The following KIFAP3 variants were observed in gnomAD, a reference collection of about 807,000 sequenced individuals.
KIFAP3 encodes the protein kinesin-associated protein 3.
A neutral mutation model predicts 106.5 loss-of-function variants in KIFAP3; 68 were observed. That is an observed-to-expected ratio of 0.64 (90% CI 0.53 to 0.78). KIFAP3 has a LOEUF of 0.78. KIFAP3 is among the 30% of genes least tolerant of loss of function. The probability of loss-of-function intolerance (pLI) is 0.00; values close to 1 mark genes in which losing one functional copy is unlikely to be tolerated. For missense variants in KIFAP3, 780 were observed against 941.8 expected (o/e 0.83, Z 2.25); for synonymous variants, 320 against 311.5 (o/e 1.03, Z -0.29).
chr1:169,948,341 T>C (rs1460630849), intron 19 of KIFAP3, among the ~76,000 whole-genome samples: 4 of 151,848 alleles, frequency 2.6e-5, no homozygotes, highest in Admixed American at 1.3e-4. Context: ...GTCAGTTTTT[T>C]TGAAAGGCTT....
intron 10 of KIFAP3, among the ~76,000 whole-genome samples, chr1:170,012,596 T>G (rs1188086945): frequency 6.6e-6 from 1 of 152,126 alleles, no homozygotes; most frequent in Non-Finnish European, 1.5e-5. Flanking sequence ...CCCCCAAAAT[T>G]CTTATGTTGA....
chr1:169,931,724 A>G (rs976333400), intron 19 of KIFAP3, among the ~76,000 whole-genome samples: 1 of 152,176 alleles, frequency 6.6e-6, no homozygotes, highest in African/African-American at 2.4e-5. Flanking sequence ...CTGTCATAAT[A>G]CCTTGGTTTT....
At chr1:170,046,226 A>AAAAAAAAAAAAAAAC (rs1670244508) in intron 3 of KIFAP3, among the ~76,000 whole-genome samples, 1 of 148,818 alleles carries the variant, frequency 6.7e-6, no homozygotes, top group African/African-American at 2.4e-5. Flanking sequence ...AAAAAAAAAA[A>AAAAAAAAAAAAAAAC]AAAGGAAACA....
At chr1:169,961,305 T>C (rs973412316) in intron 17 of KIFAP3, 70 bp from the exon 18 acceptor site, 2 of 1,261,816 alleles carry the variant, frequency 1.6e-6, no homozygotes, top group African/African-American at 1.5e-5. Flanking sequence ...GCAATATTTT[T>C]ATCTCTTGAG....
intron 1 of KIFAP3, chr1:170,067,955 A>G (rs1294401347): frequency 6.6e-6 from 1 of 152,204 alleles, no homozygotes; most frequent in Non-Finnish European, 1.5e-5. Context: ...TGGGAAGATC[A>G]TAAGCTTTTA....
intron 19 of KIFAP3, among the ~76,000 whole-genome samples, chr1:169,941,192 TA>T (rs1664089455): frequency 1.3e-5 from 2 of 152,116 alleles, no homozygotes; most frequent in African/African-American, 4.8e-5. Context: ...ATTCTAAGAG[TA>T]TAAGCTACAT....
chr1:170,037,728 G>A (rs776277667), intron 5 of KIFAP3, among the ~76,000 whole-genome samples: 2 of 152,060 alleles, frequency 1.3e-5, no homozygotes, highest in African/African-American at 4.8e-5. Context: ...CGGAGATCGC[G>A]CCACTGCACT....
chr1:170,036,193 C>T (rs553055815), intron 5 of KIFAP3, among the ~76,000 whole-genome samples: 108 of 152,094 alleles, frequency 7.1e-4, no homozygotes, highest in African/African-American at 2.4e-3. Flanking sequence ...AAAGTAATGA[C>T]ACTAGTTTCA....
chr1:170,018,791 A>T (rs528997326), intron 9 of KIFAP3, among the ~76,000 whole-genome samples: 1 of 152,194 alleles, frequency 6.6e-6, no homozygotes, highest in South Asian at 2.1e-4. Flanking sequence ...ATAAACACAA[A>T]TTGTTTTAAA....
At chr1:169,922,858 T>G (rs1485055576) in intron 19 of KIFAP3, among the ~76,000 whole-genome samples, 1 of 152,244 alleles carries the variant, frequency 6.6e-6, no homozygotes, top group East Asian at 1.9e-4. Flanking sequence ...AAACTGAATG[T>G]GATGAAAAAA....
At chr1:170,068,390 A>G (rs1285680930) in intron 1 of KIFAP3, 1 of 152,128 alleles carries the variant, frequency 6.6e-6, no homozygotes, top group African/African-American at 2.4e-5. Flanking sequence ...AAGGATCCAA[A>G]CAAAAACACT....
At chr1:169,932,425 AC>A (rs1347577170) in intron 19 of KIFAP3, among the ~76,000 whole-genome samples, 1 of 152,184 alleles carries the variant, frequency 6.6e-6, no homozygotes, top group Non-Finnish European at 1.5e-5. Flanking sequence ...ACCTTTAGTT[AC>A]TGTAGTTTAA....
At chr1:170,031,857 T>G in intron 8 of KIFAP3, 29 bp downstream of exon 8, 1 of 1,385,222 alleles carries the variant, frequency 7.2e-7, no homozygotes, top group South Asian at 1.2e-5. Context: ...AGTACTTTGT[T>G]GCTTTCCTCA....
chr1:169,953,715 C>T (rs1259907721), intron 19 of KIFAP3, among the ~76,000 whole-genome samples: 7 of 152,144 alleles, frequency 4.6e-5, no homozygotes, highest in African/African-American at 1.7e-4. Context: ...GGGGTTTCAC[C>T]GCGTTAGCCA....
intron 16 of KIFAP3, among the ~76,000 whole-genome samples, chr1:169,977,609 T>C (rs1281339043): frequency 6.6e-6 from 1 of 152,148 alleles, no homozygotes; most frequent in African/African-American, 2.4e-5. Context: ...TACAACATGC[T>C]ATGCCCCTTT....
At chr1:169,994,275 C>T (rs2101940490) in intron 10 of KIFAP3, among the ~76,000 whole-genome samples, 1 of 152,242 alleles carries the variant, frequency 6.6e-6, no homozygotes, top group South Asian at 2.1e-4. Flanking sequence ...CTCTGATTCC[C>T]AAATCTTTAC....
At chr1:170,022,359 T>C (rs1031079576) in intron 9 of KIFAP3, among the ~76,000 whole-genome samples, 2 of 152,158 alleles carry the variant, frequency 1.3e-5, no homozygotes, top group Admixed American at 1.3e-4. Context: ...CAGCCTTTAG[T>C]TGCACCTTTC....
At chr1:169,973,123 A>ATATATATATATATATATATATATATAG (rs1553278139) in intron 16 of KIFAP3, among the ~76,000 whole-genome samples, 7 of 128,650 alleles carry the variant, frequency 5.4e-5, no homozygotes, top group Non-Finnish European at 8.1e-5. Context: ...ATATATATAT[A>ATATATATATATATATATATATATATAG]AACAACACAA....
intron 9 of KIFAP3, among the ~76,000 whole-genome samples, chr1:170,018,965 A>G (rs1390559408): frequency 6.6e-6 from 1 of 152,136 alleles, no homozygotes; most frequent in Non-Finnish European, 1.5e-5. Flanking sequence ...CTTTGAAAAT[A>G]CCAAAGCAAC....
Sources: gnomAD v4.1 joint callset for allele counts (sites outside exome capture counted in the v4.1 genomes callset) on GRCh38, gnomAD v4.1.1 for gene constraint, MANE v1.5 for transcripts, NCBI Gene and HGNC (gene_info 2026-07-23, HGNC 2026-07-21) for gene names.